Variants in RUNX2 observed in about 807,000 individuals in gnomAD.
RUNX2 encodes runt-related transcription factor 2.
In RUNX2, 10 loss-of-function variants were observed where a neutral mutation model predicts 51.7. The ratio of observed to expected loss-of-function variants is 0.19; its 90% CI spans 0.12 to 0.33. The LOEUF is 0.33. RUNX2 is among the 10% of genes least tolerant of loss of function. RUNX2 has a pLI of 1.00. For synonymous variants in RUNX2, 276 were observed against 273.6 expected (o/e 1.01, Z -0.09); for missense variants, 562 against 691.3 (o/e 0.81, Z 2.10).
At position 45,446,630 on chromosome 6, in the gene RUNX2, A is replaced by G. The variant is rs1369625673; in HGVS notation, c.685+8579A>G. On this transcript the variant is annotated intron_variant, in intron 5 of 8. Coordinates refer to ENST00000647337, the MANE Select transcript of RUNX2 (RefSeq NM_001024630.4). ...CAATTTCTTCAAGGAAGACTAGACCAGTGAATAGGACATACTTAAAAATAG... is the reference window on the plus strand; with the variant it reads ...CAATTTCTTCAAGGAAGACTAGACCGGTGAATAGGACATACTTAAAAATAG... Among the ~76,000 whole-genome samples, 7 of 152,212 alleles carry G rather than the reference A, an allele frequency of 4.6e-5. No individual in the cohort carries two copies. The East Asian group carries it at 1.4e-3, about 29-fold the overall frequency.
intron 2 of RUNX2, among the ~76,000 whole-genome samples, chr6:45,339,144 T>C (rs1789229412): frequency 2.0e-5 from 3 of 152,168 alleles, no homozygotes. Flanking sequence ...GTAATCTTAT[T>C]ACTTGACTAT....
At chr6:45,344,499 C>T (rs189990385) in intron 2 of RUNX2, among the ~76,000 whole-genome samples, 255 of 151,840 alleles carry the variant, frequency 1.7e-3, no homozygotes, top group African/African-American at 6.0e-3. Context: ...AGTGGAGAGC[C>T]CATATATGTA....
intron 6 of RUNX2, among the ~76,000 whole-genome samples, chr6:45,508,220 C>CTTTTTTTT (rs61501897): frequency 6.9e-4 from 45 of 65,670 alleles, no homozygotes; most frequent in East Asian, 2.6e-3. Flanking sequence ...CTTATATTTC[C>CTTTTTTTT]TTTTTTTTTT....
At chr6:45,344,417 T>C (rs1581745564) in intron 2 of RUNX2, among the ~76,000 whole-genome samples, 1 of 152,094 alleles carries the variant, frequency 6.6e-6, no homozygotes, top group Admixed American at 6.5e-5. Flanking sequence ...CAGTGCTTTA[T>C]TGTTTTCATT....
At chr6:45,546,730 A>G (rs931918505) in intron 8 of RUNX2, 97 bp from the exon 9 acceptor site, 1 of 1,088,754 alleles carries the variant, frequency 9.2e-7, no homozygotes, top group Non-Finnish European at 1.4e-6. Context: ...TTTATGGGAA[A>G]GCTAAAGTTT....
intron 6 of RUNX2, among the ~76,000 whole-genome samples, chr6:45,503,667 GAGGCC>G (rs1800865537): frequency 6.6e-6 from 1 of 152,168 alleles, no homozygotes; most frequent in Admixed American, 6.5e-5. Context: ...CCAAGGCTGA[GAGGCC>G]AGGACAGGTA....
intron 5 of RUNX2, among the ~76,000 whole-genome samples, chr6:45,487,996 G>T (rs1476517360): frequency 6.6e-6 from 1 of 152,172 alleles, no homozygotes; most frequent in East Asian, 1.9e-4. Context: ...TGAGGTCTAA[G>T]GGGTAAGAAA....
chr6:45,410,512 T>C (rs966762865), intron 2 of RUNX2, among the ~76,000 whole-genome samples: 8 of 152,230 alleles, frequency 5.3e-5, no homozygotes, highest in Non-Finnish European at 7.3e-5. Context: ...ATTGATCACA[T>C]GCTACATGCC....
intron 5 of RUNX2, among the ~76,000 whole-genome samples, chr6:45,485,646 C>T (rs7756144): frequency 0.41 from 58,376 of 141,014 alleles, 12,995 homozygotes; most frequent in African/African-American, 0.6. Context: ...TATAGATAAG[C>T]GTATATATAT....
chr6:45,436,978 T>C (rs1490149246), intron 4 of RUNX2, among the ~76,000 whole-genome samples: 2 of 152,240 alleles, frequency 1.3e-5, no homozygotes, highest in African/African-American at 4.8e-5. Context: ...CACGCCCACC[T>C]CTTCCTGTCT....
chr6:45,454,890 G>T (rs922355452), intron 5 of RUNX2, among the ~76,000 whole-genome samples: 2 of 152,172 alleles, frequency 1.3e-5, no homozygotes, highest in Non-Finnish European at 2.9e-5. Context: ...GAGGCAGGTG[G>T]ATCACTTGAG....
At chr6:45,476,346 G>GA (rs35663521) in intron 5 of RUNX2, among the ~76,000 whole-genome samples, 40,241 of 152,062 alleles carry the variant, frequency 0.26, 6,027 homozygotes, top group Non-Finnish European at 0.34. Flanking sequence ...GGGGAGGAAG[G>GA]ACCTTGCTCA....
At chr6:45,501,553 C>T (rs1800801612) in intron 6 of RUNX2, among the ~76,000 whole-genome samples, 1 of 152,182 alleles carries the variant, frequency 6.6e-6, no homozygotes, top group Non-Finnish European at 1.5e-5. Context: ...CTATTGTGCC[C>T]TGGATTATGC....
At chr6:45,455,016 AG>A (rs1418966114) in intron 5 of RUNX2, among the ~76,000 whole-genome samples, 1 of 152,192 alleles carries the variant, frequency 6.6e-6, no homozygotes, top group Non-Finnish European at 1.5e-5. Flanking sequence ...TAGGAGGTTG[AG>A]GCAGGAGAAT....
chr6:45,404,316 G>GAA (rs113901838), intron 2 of RUNX2, among the ~76,000 whole-genome samples: 8 of 130,500 alleles, frequency 6.1e-5, no homozygotes, highest in Non-Finnish European at 9.9e-5. Flanking sequence ...AAAGAAAAAA[G>GAA]AAAAAAAAGT....
At chr6:45,481,180 T>C (rs1030175841) in intron 5 of RUNX2, among the ~76,000 whole-genome samples, 7 of 152,208 alleles carry the variant, frequency 4.6e-5, no homozygotes, top group African/African-American at 1.7e-4. Flanking sequence ...ATAGAAAGGA[T>C]CGCATGCTAA....
chr6:45,374,501 G>T (rs1282571046), intron 2 of RUNX2, among the ~76,000 whole-genome samples: 1 of 152,176 alleles, frequency 6.6e-6, no homozygotes, highest in South Asian at 2.1e-4. Flanking sequence ...TCAAGTGTTA[G>T]AGCCTCAATA....
intron 5 of RUNX2, among the ~76,000 whole-genome samples, chr6:45,464,179 C>A (rs566852990): frequency 1.3e-5 from 2 of 148,276 alleles, no homozygotes; most frequent in African/African-American, 2.5e-5. Flanking sequence ...GGCGACAGAG[C>A]GAGACTCCGT....
At chr6:45,506,703 T>C (rs1332069395) in intron 6 of RUNX2, among the ~76,000 whole-genome samples, 1 of 152,218 alleles carries the variant, frequency 6.6e-6, no homozygotes, top group African/African-American at 2.4e-5. Context: ...TCGCCCAGGC[T>C]GGAGTACAGT....
Sources: gnomAD v4.1 joint callset for allele counts (sites outside exome capture counted in the v4.1 genomes callset) on GRCh38, gnomAD v4.1.1 for gene constraint, MANE v1.5 for transcripts, NCBI Gene and HGNC (gene_info 2026-07-23, HGNC 2026-07-21) for gene names.